The following MACF1 variants were observed in gnomAD, a reference collection of about 807,000 sequenced individuals.
MACF1 encodes microtubule-actin cross-linking factor 1.
In MACF1, 193 loss-of-function variants were observed where a neutral mutation model predicts 854.8. That is an observed-to-expected ratio of 0.23 (90% CI 0.20 to 0.25). The LOEUF is 0.25. Ranked by LOEUF, MACF1 falls within the 10% of genes least tolerant of loss-of-function variation. The pLI is 1.00. For missense variants in MACF1, 7,722 were observed against 8,929.1 expected (o/e 0.86, Z 5.45); for synonymous variants, 3,185 against 3,226.7 (o/e 0.99, Z 0.44).
intron 58 of MACF1, chr1:39,412,763 G>T (rs1287206086): frequency 1.2e-6 from 2 of 1,612,822 alleles, no homozygotes; most frequent in South Asian, 1.1e-5. Flanking sequence ...GTCCTCCAGA[G>T]ACCTTCCCGG....
chr1:39,124,265 G>A (rs937747937), intron 2 of MACF1, among the ~76,000 whole-genome samples: 9 of 152,134 alleles, frequency 5.9e-5, no homozygotes, highest in Non-Finnish European at 2.9e-5. Flanking sequence ...GTTAGTGCAA[G>A]GGGCTTTGGA....
chr1:39,458,777 G>C lies in MACF1; in HGVS notation c.21196+287G>C, dbSNP rs559377512. 15 of 499,754 alleles carry C rather than the reference G, an allele frequency of 3.0e-5. No homozygotes were observed. In the East Asian group the frequency reaches 4.7e-4, roughly 16 times the overall value. 31.0% of individuals were successfully genotyped at this position (499,754 alleles called of 1,614,324 possible). ...AGCCCTAGCTGTTTACATTTGGCTTGTACTAATTTAATCAACACAACAGCT... is the reference window on the plus strand; with the variant it reads ...AGCCCTAGCTGTTTACATTTGGCTTCTACTAATTTAATCAACACAACAGCT... On this transcript the variant is annotated intron_variant, in intron 90 of 100. Coordinates refer to ENST00000564288, the MANE Select transcript of MACF1 (RefSeq NM_001394062.1).
intron 1 of MACF1, among the ~76,000 whole-genome samples, chr1:39,226,115 G>C (rs956764665): frequency 1.1e-4 from 16 of 152,254 alleles, no homozygotes; most frequent in African/African-American, 3.9e-4. Flanking sequence ...CCTTTTCTGA[G>C]GAGCTTATGG....
chr1:39,463,784 G>C, intron 94 of MACF1, 98 bp downstream of exon 94: 1 of 1,038,886 alleles, frequency 9.6e-7, no homozygotes, highest in Non-Finnish European at 1.5e-6. Context: ...GAGCCCATCG[G>C]ACTTGAGATG....
intron 58 of MACF1, among the ~76,000 whole-genome samples, chr1:39,405,513 T>C (rs900458795): frequency 6.6e-6 from 1 of 152,084 alleles, no homozygotes; most frequent in Non-Finnish European, 1.5e-5. Context: ...GCATTTTAGG[T>C]CTGGAGCAGA....
chr1:39,103,434 C>T (rs923766051), intron 2 of MACF1: 2 of 169,330 alleles, frequency 1.2e-5, no homozygotes, highest in African/African-American at 4.8e-5. Flanking sequence ...CCTTCTTAGG[C>T]CTGCTGGTAT....
intron 58 of MACF1, among the ~76,000 whole-genome samples, chr1:39,418,856 C>T (rs923402587): frequency 6.7e-6 from 1 of 148,754 alleles, no homozygotes; most frequent in African/African-American, 2.5e-5. Flanking sequence ...GTGTGAGACC[C>T]TGTCTCAAAA....
intron 2 of MACF1, among the ~76,000 whole-genome samples, chr1:39,175,811 G>A (rs1251716825): frequency 1.3e-5 from 2 of 150,852 alleles, no homozygotes; most frequent in Non-Finnish European, 3.0e-5. Flanking sequence ...AAATTAGCCG[G>A]GTGTGGCCAG....
chr1:39,386,114 A>G (rs1233287869), intron 57 of MACF1, among the ~76,000 whole-genome samples, 185 bp downstream of exon 57: 1 of 152,198 alleles, frequency 6.6e-6, no homozygotes, highest in Non-Finnish European at 1.5e-5. Context: ...GTGAACACTT[A>G]AAAATGTGAA....
Position 39,346,978 on chromosome 1 carries a change from A to G in MACF1, c.10583A>G (p.Asp3528Gly), listed in dbSNP as rs1434394994. The change falls in exon 41 of 101, where the codon GAT (aspartate) becomes GGT (glycine). Residue 3528 changes from aspartate to glycine, a missense_variant and splice_region_variant. Coordinates refer to ENST00000564288, the MANE Select transcript of MACF1 (RefSeq NM_001394062.1). ...SLNLCLQQYE[D>G]LKQPMAERKA... ...GTTTCCTTTTTCCATTTACCTTAGG[A>G]TTTGAAACAGCCCATGGCTGAAAGG... is the stretch of plus-strand genomic sequence containing the variant. The G allele has an allele frequency of 1.3e-6, 2 of 1,599,188 alleles. No homozygotes were observed. Among genetic ancestry groups the G allele is most frequent in the Non-Finnish European group, 1.7e-6 (2 of 1,173,408 alleles).
rs1354582297 is a variant in MACF1 at position 39,331,931 on chromosome 1, A to T, written c.5343A>T (p.Gly1781=). Residue 1781 remains glycine (G), a synonymous_variant, in exon 37 of 101, where the codon GGA becomes GGT. Transcript: ENST00000564288. ...GTGGCATAGTAGATCCAAGAACAGG[A>T]CACAGACTTACAGTGGAAGAGGCTG... ...FAGGIVDPRT[G]HRLTVEEAVR... 3 of 1,613,978 alleles carry T rather than the reference A, an allele frequency of 1.9e-6. No individual in the cohort carries two copies. Among genetic ancestry groups the T allele is most frequent in the East Asian group, 4.5e-5 (2 of 44,894 alleles).
chr1:39,107,385 G>A (rs527831010), intron 2 of MACF1, among the ~76,000 whole-genome samples: 7 of 152,094 alleles, frequency 4.6e-5, no homozygotes, highest in Non-Finnish European at 8.8e-5. Flanking sequence ...GCCTTGATCA[G>A]GTGTATAGGA....
At chr1:39,434,809 A>G (rs1643936465) in intron 69 of MACF1, among the ~76,000 whole-genome samples, 177 bp downstream of exon 69, 1 of 152,232 alleles carries the variant, frequency 6.6e-6, no homozygotes. Context: ...GTTTAATATC[A>G]ATTGATTAAA....
intron 58 of MACF1, among the ~76,000 whole-genome samples, chr1:39,407,083 T>C (rs1642744624): frequency 1.3e-5 from 2 of 152,208 alleles, no homozygotes; most frequent in South Asian, 4.1e-4. Context: ...CTGCAGAAGA[T>C]TTGTAAATCT....
In MACF1 at chr1:39,441,256, A is replaced by T. The variant is rs1435181697; in HGVS notation, c.18603A>T (p.Thr6201=). 6 of 1,614,068 alleles carry T rather than the reference A, an allele frequency of 3.7e-6. No individual in the cohort carries two copies. The highest frequency in any genetic ancestry group is 5.1e-6 in the Non-Finnish European group (6 of 1,180,022). The change falls in exon 74 of 101, where the codon ACA becomes ACT. Residue 6201 remains threonine (T), a synonymous_variant. Coordinates refer to ENST00000564288, the MANE Select transcript of MACF1 (RefSeq NM_001394062.1). ...MNNAWENLNK[T]WKERLEKLED... is the part of the protein sequence containing the mutation. ...ATGCTTGGGAGAACTTAAACAAAAC[A>T]TGGAAAGAGAGGCTAGAAAAACTTG...
intron 4 of MACF1, among the ~76,000 whole-genome samples, chr1:39,253,287 A>G (rs1645062431): frequency 6.6e-6 from 1 of 152,116 alleles, no homozygotes; most frequent in Non-Finnish European, 1.5e-5. Flanking sequence ...AGTGACTGGC[A>G]TAACTTTCTC....
chr1:39,370,851 A>G (rs1232582723), intron 51 of MACF1, among the ~76,000 whole-genome samples: 1 of 150,504 alleles, frequency 6.6e-6, no homozygotes, highest in Non-Finnish European at 1.5e-5. Flanking sequence ...CCTCAAGGCC[A>G]AAAAAAACAG....
intron 66 of MACF1, among the ~76,000 whole-genome samples, chr1:39,431,415 T>G (rs1242565286): frequency 6.6e-6 from 1 of 152,226 alleles, no homozygotes; most frequent in Non-Finnish European, 1.5e-5. Context: ...AATCATTTGT[T>G]CTTTTGTGTA....
chr1:39,349,743 C>T, intron 42 of MACF1, 116 bp downstream of exon 42: 1 of 1,068,180 alleles, frequency 9.4e-7, no homozygotes, highest in East Asian at 2.7e-5. Flanking sequence ...GGCAATCCTC[C>T]CACCTCAGCC....
Sources: allele counts gnomAD v4.1 joint callset (sites outside exome capture counted in the v4.1 genomes callset), GRCh38; gene constraint gnomAD v4.1.1; transcripts MANE v1.5; gene names NCBI Gene and HGNC (gene_info 2026-07-23, HGNC 2026-07-21).